DCC: variants seen among roughly 807,000 people sequenced by gnomAD.
The protein encoded by DCC is DCC netrin 1 receptor.
A neutral mutation model predicts 172.5 loss-of-function variants in DCC; 58 were observed. That is an observed-to-expected ratio of 0.34 (90% CI 0.27 to 0.42). The LOEUF is 0.42. Ranked by LOEUF, DCC falls within the 10% of genes least tolerant of loss-of-function variation. The pLI is 1.00. For missense variants in DCC, 1,740 were observed against 1,791.0 expected (o/e 0.97, Z 0.51); for synonymous variants, 709 against 644.5 (o/e 1.10, Z -1.52).
At chr18:53,128,846 CACACACACACACACACACACACACAT>C (rs1321924221) in intron 7 of DCC, among the ~76,000 whole-genome samples, 3 of 63,350 alleles carry the variant, frequency 4.7e-5, no homozygotes, top group South Asian at 8.3e-4. Flanking sequence ...CACACACACA[CACACACACACACACACACACACACAT>C]ATATATATAT....
chr18:53,085,676 T>A (rs907460794), intron 7 of DCC, among the ~76,000 whole-genome samples: 13 of 151,730 alleles, frequency 8.6e-5, no homozygotes, highest in Admixed American at 2.0e-4. Flanking sequence ...ATTTTTTTTT[T>A]AAATAGGAAT....
chr18:52,654,336 G>T (rs937618474), intron 1 of DCC, among the ~76,000 whole-genome samples: 1 of 152,120 alleles, frequency 6.6e-6, no homozygotes, highest in Non-Finnish European at 1.5e-5. Context: ...CATTACCATT[G>T]AACAAGATAA....
intron 1 of DCC, among the ~76,000 whole-genome samples, chr18:52,381,981 A>G (rs758097705): frequency 1.3e-5 from 2 of 152,148 alleles, no homozygotes; most frequent in Non-Finnish European, 2.9e-5. Context: ...CTTTGGAGAA[A>G]CAAATAATGC....
intron 1 of DCC, among the ~76,000 whole-genome samples, chr18:52,650,534 G>C (rs1384787425): frequency 6.6e-6 from 1 of 151,560 alleles, no homozygotes; most frequent in Non-Finnish European, 1.5e-5. Flanking sequence ...TGTTTTTTTT[G>C]TCTGTTTGTT....
intron 1 of DCC, among the ~76,000 whole-genome samples, chr18:52,661,116 A>G (rs565779964): frequency 6.6e-6 from 1 of 152,208 alleles, no homozygotes; most frequent in East Asian, 1.9e-4. Flanking sequence ...GATAAATAGT[A>G]ACTGAATTAA....
chr18:52,834,536 T>A (rs548721218), intron 2 of DCC, among the ~76,000 whole-genome samples: 6 of 150,864 alleles, frequency 4.0e-5, no homozygotes, highest in Non-Finnish European at 8.8e-5. Context: ...AAGGATTGCA[T>A]GGTGAGCTCG....
chr18:53,052,191 G>T (rs992482207), intron 5 of DCC, among the ~76,000 whole-genome samples: 1 of 151,694 alleles, frequency 6.6e-6, no homozygotes, highest in Non-Finnish European at 1.5e-5. Flanking sequence ...CATTTCCTTA[G>T]GTCCACTAAC....
chr18:53,240,044 A>AC (rs1337530829), intron 12 of DCC, among the ~76,000 whole-genome samples: 1,832 of 144,196 alleles, frequency 0.013, 50 homozygotes, highest in African/African-American at 0.048. Flanking sequence ...AAAAAAAAAA[A>AC]AAAAAACAAC....
chr18:52,988,088 C>A (rs1046163084), intron 5 of DCC, among the ~76,000 whole-genome samples: 2 of 152,076 alleles, frequency 1.3e-5, no homozygotes, highest in East Asian at 1.9e-4. Context: ...TTATACAGCA[C>A]CTCATTCCAA....
intron 1 of DCC, among the ~76,000 whole-genome samples, chr18:52,593,259 T>G (rs556644607): frequency 1.3e-5 from 2 of 152,308 alleles, no homozygotes; most frequent in South Asian, 4.1e-4. Context: ...TCCTGCCAGT[T>G]TTCTAAAGGT....
chr18:53,172,620 G>C (rs976999196), intron 8 of DCC, among the ~76,000 whole-genome samples: 2 of 135,310 alleles, frequency 1.5e-5, no homozygotes, highest in Non-Finnish European at 3.5e-5. Context: ...ACATACCCAA[G>C]GTGTTTGATA....
intron 14 of DCC, among the ~76,000 whole-genome samples, chr18:53,327,438 G>A (rs1378757586): frequency 6.6e-6 from 1 of 151,576 alleles, no homozygotes; most frequent in African/African-American, 2.4e-5. Context: ...ACTGAGCTTG[G>A]AAATCTGTTT....
intron 1 of DCC, among the ~76,000 whole-genome samples, chr18:52,387,859 A>C (rs1186769414): frequency 6.6e-6 from 1 of 152,060 alleles, no homozygotes; most frequent in Non-Finnish European, 1.5e-5. Context: ...TAGGAAAATA[A>C]TACACATTTA....
At chr18:53,381,710 A>C (rs1907756313) in intron 15 of DCC, among the ~76,000 whole-genome samples, 1 of 151,906 alleles carries the variant, frequency 6.6e-6, no homozygotes, top group Non-Finnish European at 1.5e-5. Flanking sequence ...GTATGTAGGA[A>C]TCTGTCCAAG....
At chr18:53,197,554 C>T (rs955052379) in intron 9 of DCC, among the ~76,000 whole-genome samples, 1 of 150,086 alleles carries the variant, frequency 6.7e-6, no homozygotes, top group South Asian at 2.1e-4. Flanking sequence ...CTGACACTAA[C>T]ATTTATCTTC....
chr18:53,396,003 T>C (rs2145020612), intron 17 of DCC, among the ~76,000 whole-genome samples: 1 of 152,276 alleles, frequency 6.6e-6, no homozygotes, highest in South Asian at 2.1e-4. Flanking sequence ...ATAGGCTGGA[T>C]AGGCAAATCA....
intron 5 of DCC, among the ~76,000 whole-genome samples, chr18:53,033,874 T>C (rs550168589): frequency 6.6e-6 from 1 of 152,240 alleles, no homozygotes; most frequent in East Asian, 1.9e-4. Flanking sequence ...AGGTCTCCAA[T>C]GACCTGTATG....
chr18:52,944,437 A>G (rs528299647), intron 5 of DCC, among the ~76,000 whole-genome samples: 21 of 152,334 alleles, frequency 1.4e-4, no homozygotes, highest in Admixed American at 1.2e-3. Context: ...CTGCAAATAA[A>G]ATCTGAGCCT....
chr18:52,939,613 C>A (rs2040430698), intron 5 of DCC, among the ~76,000 whole-genome samples: 1 of 152,162 alleles, frequency 6.6e-6, no homozygotes, highest in South Asian at 2.1e-4. Flanking sequence ...AGGCACTTTG[C>A]ACAATGCCTT....
Sources: gnomAD v4.1 joint callset for allele counts (sites outside exome capture counted in the v4.1 genomes callset) on GRCh38, gnomAD v4.1.1 for gene constraint, MANE v1.5 for transcripts, NCBI Gene and HGNC (gene_info 2026-07-23, HGNC 2026-07-21) for gene names.